Variants in VRK1 observed in about 807,000 individuals in gnomAD.
VRK1 encodes the protein VRK serine/threonine kinase 1, also known as serine/threonine-protein kinase VRK1.
VRK1 carries 33 observed loss-of-function variants against 57.1 expected under a neutral mutation model. That is an observed-to-expected ratio of 0.58 (90% CI 0.44 to 0.77). The LOEUF (loss-of-function observed/expected upper bound fraction) is 0.77. VRK1 is among the 30% of genes least tolerant of loss of function. The pLI, the probability that VRK1 is intolerant of heterozygous loss-of-function variation, is 0.00. For synonymous variants in VRK1, 137 were observed against 147.8 expected (o/e 0.93, Z 0.53); for missense variants, 413 against 477.3 (o/e 0.87, Z 1.25).
intron 1 of VRK1, among the ~76,000 whole-genome samples, chr14:96,808,392 T>C (rs376625050): frequency 6.6e-6 from 1 of 152,166 alleles, no homozygotes; most frequent in Non-Finnish European, 1.5e-5. Flanking sequence ...CCAAGCTCCA[T>C]TGATTAAAAA....
chr14:96,803,232 T>C (rs1489541982), intron 1 of VRK1, among the ~76,000 whole-genome samples: 1 of 150,446 alleles, frequency 6.6e-6, no homozygotes, highest in Non-Finnish European at 1.5e-5. Context: ...AGTGCAATGG[T>C]GTGATCTCAG....
intron 12 of VRK1, chr14:96,877,391 A>C (rs1416510895): frequency 4.0e-5 from 28 of 707,926 alleles, no homozygotes; most frequent in Admixed American, 1.0e-4. Flanking sequence ...ATATAACTTC[A>C]CACTGAAGGC....
intron 5 of VRK1, among the ~76,000 whole-genome samples, chr14:96,851,801 A>G (rs1887960473): frequency 6.6e-6 from 1 of 152,234 alleles, no homozygotes; most frequent in Non-Finnish European, 1.5e-5. Flanking sequence ...GATAGGAGTT[A>G]CCTACTTTAT....
chr14:96,819,226 G>A (rs1377892801), intron 1 of VRK1, among the ~76,000 whole-genome samples: 1 of 152,132 alleles, frequency 6.6e-6, no homozygotes, highest in Admixed American at 6.5e-5. Context: ...GATGGGTTGG[G>A]AAAAAAGTGG....
intron 8 of VRK1, 60 bp downstream of exon 8, chr14:96,855,416 A>T: frequency 6.2e-7 from 1 of 1,611,976 alleles, no homozygotes; most frequent in Non-Finnish European, 8.5e-7. Context: ...AGATTCCTAC[A>T]TAGTTCTTAA....
intron 1 of VRK1, among the ~76,000 whole-genome samples, chr14:96,808,727 A>G (rs1169385452): frequency 6.9e-6 from 1 of 145,362 alleles, no homozygotes; most frequent in Non-Finnish European, 1.5e-5. Flanking sequence ...ATGTTGTTGC[A>G]TGTAGTTTGT....
rs972951706 is a variant in VRK1, at chr14:96,810,138, T to C, written c.-6+12691T>C. ...TGGATACCCTCTGTTATAAAGTTCC[T>C]GTTCAAGTCTTTTGTCCATTTTCAA... On this transcript the variant is annotated intron_variant, in intron 1 of 12. Transcript: ENST00000216639. Among the ~76,000 whole-genome samples the C allele has an allele frequency of 1.8e-4, 27 of 152,244 alleles. 1 individual carries two copies. Among genetic ancestry groups the C allele is most frequent in the Admixed American group, 1.6e-3 (25 of 15,288 alleles).
intron 1 of VRK1, among the ~76,000 whole-genome samples, chr14:96,815,773 C>T (rs1388343485): frequency 6.6e-6 from 1 of 151,488 alleles, no homozygotes; most frequent in African/African-American, 2.4e-5. Flanking sequence ...TGGCACTGGT[C>T]TGTAGTCCCA....
rs764788560 is a variant in VRK1, at chr14:96,852,874, A to G, written c.418A>G (p.Lys140Glu). 42 of 1,613,898 alleles carry G rather than the reference A, an allele frequency of 2.6e-5. 2 individuals are homozygous for G. The South Asian group carries it at 4.2e-4, about 16-fold the overall frequency. The stretch of plus-strand genomic sequence containing the variant: ...GGATCGCTTTGGGAGTGACCTTCAG[A>G]AAATATATGAAGCAAATGCCAAAAG... ...IMDRFGSDLQKIYEANAKRFS... is the reference protein window; with the variant it reads ...IMDRFGSDLQEIYEANAKRFS... Residue 140 changes from lysine (K) to glutamate (E), a missense_variant, in exon 6 of 13, where the codon AAA becomes GAA. This residue lies in a region of VRK1 where 151 missense variants were observed against 225.5 expected (regional missense o/e 0.67). Coordinates refer to ENST00000216639, the MANE Select transcript of VRK1 (RefSeq NM_003384.3).
At chr14:96,854,752 A>G (rs1888082878) in intron 7 of VRK1, among the ~76,000 whole-genome samples, 1 of 152,154 alleles carries the variant, frequency 6.6e-6, no homozygotes, top group Non-Finnish European at 1.5e-5. Flanking sequence ...ACAAGTGAAG[A>G]AACAGAGGAA....
chr14:96,838,385 T>G (rs935115429), intron 3 of VRK1, among the ~76,000 whole-genome samples: 1 of 152,344 alleles, frequency 6.6e-6, no homozygotes, highest in African/African-American at 2.4e-5. Flanking sequence ...CATTTATATG[T>G]TGGCGAACTA....
At chr14:96,813,886 A>G (rs927540952) in intron 1 of VRK1, among the ~76,000 whole-genome samples, 4 of 152,178 alleles carry the variant, frequency 2.6e-5, no homozygotes, top group Non-Finnish European at 5.9e-5. Context: ...GGCCGTGGAC[A>G]AATTATTTAA....
At chr14:96,859,483 TG>T (rs1169195064) in intron 10 of VRK1, among the ~76,000 whole-genome samples, 2 of 152,232 alleles carry the variant, frequency 1.3e-5, no homozygotes, top group Non-Finnish European at 2.9e-5. Context: ...TTATCATACA[TG>T]GTGATATTTG....
chr14:96,872,105 T>A (rs1056050188), intron 11 of VRK1, among the ~76,000 whole-genome samples: 3 of 152,172 alleles, frequency 2.0e-5, no homozygotes, highest in African/African-American at 7.2e-5. Context: ...GCGCCGGGCC[T>A]CTAGCAGGAT....
chr14:96,849,143 T>TG (rs1266807822), intron 5 of VRK1, among the ~76,000 whole-genome samples: 1 of 152,202 alleles, frequency 6.6e-6, no homozygotes, highest in Non-Finnish European at 1.5e-5. Flanking sequence ...AGCTATCACT[T>TG]GCTCTTGAGC....
At chr14:96,877,466 T>C (rs1054159219) in intron 12 of VRK1, 4 of 1,286,382 alleles carry the variant, frequency 3.1e-6, no homozygotes, top group East Asian at 5.5e-5. Context: ...CTGTCTTTTT[T>C]CCTCCTTTCC....
At chr14:96,823,492 T>C (rs1886682440) in intron 1 of VRK1, among the ~76,000 whole-genome samples, 1 of 152,240 alleles carries the variant, frequency 6.6e-6, no homozygotes, top group Non-Finnish European at 1.5e-5. Context: ...ATTGTAATGC[T>C]TTTCCAGTTG....
intron 5 of VRK1, among the ~76,000 whole-genome samples, 186 bp downstream of exon 5, chr14:96,847,530 T>C (rs190736985): frequency 2.0e-5 from 3 of 152,332 alleles, no homozygotes; most frequent in Admixed American, 2.0e-4. Flanking sequence ...AGCAGCAGGC[T>C]ATGATGCCTT....
intron 3 of VRK1, among the ~76,000 whole-genome samples, chr14:96,844,682 C>T (rs568807301): frequency 2.0e-5 from 3 of 152,272 alleles, no homozygotes; most frequent in Non-Finnish European, 2.9e-5. Flanking sequence ...GCTGGGATTA[C>T]AGGTACTCGC....
Sources: gnomAD v4.1 joint callset for allele counts (sites outside exome capture counted in the v4.1 genomes callset) on GRCh38, gnomAD v4.1.1 for gene constraint, gnomAD v4.1.1 regional missense constraint, MANE v1.5 for transcripts, NCBI Gene and HGNC (gene_info 2026-07-23, HGNC 2026-07-21) for gene names.